Variants in WDHD1 observed in about 807,000 individuals in gnomAD.
The protein encoded by WDHD1 is WD repeat and HMG-box DNA-binding protein 1.
In WDHD1, 111 loss-of-function variants were observed where a neutral mutation model predicts 135.4. That is an observed-to-expected ratio of 0.82 (90% CI 0.70 to 0.96). The LOEUF is 0.96. Among genes scored for constraint, WDHD1 ranks in the 40% least tolerant of loss-of-function variants. The pLI, the probability that WDHD1 is intolerant of heterozygous loss-of-function variation, is 0.00. For missense variants in WDHD1, 1,351 were observed against 1,336.3 expected, an observed-to-expected ratio of 1.01 and a Z score of -0.17; for synonymous variants, 434 against 439.0, an observed-to-expected ratio of 0.99 and a Z score of 0.14.
intron 16 of WDHD1, among the ~76,000 whole-genome samples, chr14:54,971,712 C>CAA (rs1195129802): frequency 0.17 from 7,126 of 41,400 alleles, 859 homozygotes; most frequent in Non-Finnish European, 0.22. Flanking sequence ...GACTCTGCCT[C>CAA]AAAAAAAAAA....
At chr14:55,026,990 C>A in intron 1 of WDHD1, 38 bp downstream of exon 1, 1 of 576,892 alleles carries the variant, frequency 1.7e-6, no homozygotes, top group South Asian at 2.0e-5. Flanking sequence ...GAACACGCAT[C>A]TCCTTGGTGG....
intron 24 of WDHD1, 92 bp from the exon 25 acceptor site, chr14:54,944,562 G>T: frequency 8.4e-7 from 1 of 1,194,526 alleles, no homozygotes; most frequent in Non-Finnish European, 1.1e-6. Context: ...ATAAGTCTCT[G>T]ACATCTATTA....
rs923068373 is a variant in WDHD1, at chr14:55,025,337, T to C, written c.77+1374A>G. Among the ~76,000 whole-genome samples, 18 of 151,224 alleles carry C rather than the reference T, an allele frequency of 1.2e-4. 1 individual carries two copies. Among genetic ancestry groups the C allele is most frequent in the African/African-American group, 4.1e-4 (17 of 41,190 alleles). On this transcript the variant is annotated intron_variant, in intron 2 of 25. Coordinates refer to ENST00000360586, the MANE Select transcript of WDHD1 (RefSeq NM_007086.4). ...ACACCCACAAATGATGAATAAATACTAAGGGAACTCAGAGGCTGGCGGGAT... is the reference window on the plus strand; with the variant it reads ...ACACCCACAAATGATGAATAAATACCAAGGGAACTCAGAGGCTGGCGGGAT...
intron 4 of WDHD1, 34 bp from the exon 5 acceptor site, chr14:55,008,753 T>G: frequency 6.8e-7 from 1 of 1,465,116 alleles, no homozygotes; most frequent in Non-Finnish European, 9.4e-7. Flanking sequence ...AATGAATAAA[T>G]GCTAACACAA....
At position 54,955,133 on chromosome 14, in the gene WDHD1, A is replaced by G. The variant is rs543051402; in HGVS notation, c.3050+428T>C. On this transcript the variant is annotated intron_variant, in intron 24 of 25. Coordinates refer to ENST00000360586, the MANE Select transcript of WDHD1 (RefSeq NM_007086.4). ...TAATGTGTAAAACAAAAAATAGACA[A>G]ATATGTATTTGCACATAAATAGAAT... 2.6e-5 allele frequency among the ~76,000 whole-genome samples: 4 copies of G among 152,350 alleles called. No homozygotes were observed. In the East Asian group the frequency reaches 7.7e-4, roughly 29 times the overall value.
intron 24 of WDHD1, among the ~76,000 whole-genome samples, chr14:54,949,358 C>G (rs1282637229): frequency 6.6e-6 from 1 of 152,134 alleles, no homozygotes; most frequent in African/African-American, 2.4e-5. Flanking sequence ...GACGAATGCA[C>G]AAGCCTCAGT....
In WDHD1 at chr14:54,962,938, A is replaced by G. The variant is rs753736531; in HGVS notation, c.2531+14T>C. 1.9e-6 allele frequency: 3 copies of G among 1,613,242 alleles called. No homozygotes were observed. Among genetic ancestry groups the G allele is most frequent in the Admixed American group, 1.7e-5 (1 of 59,936 alleles). On this transcript the variant is annotated intron_variant, in intron 19 of 25. Transcript: ENST00000360586. The stretch of plus-strand genomic sequence containing the variant: ...ACAGTAAAGGAAAATTCAAACAACT[A>G]AATTATTTCTTACCCAGCATTCAGC...
chr14:54,948,273 G>A lies in WDHD1; in HGVS notation c.3051-3803C>T, dbSNP rs1037622947. Among the ~76,000 whole-genome samples, 21 of 152,222 alleles carry A rather than the reference G, an allele frequency of 1.4e-4. No individual in the cohort carries two copies. The East Asian group carries it at 1.9e-3, about 14-fold the overall frequency. ...CAAGGCATCACCTCACCCGGGAAGC[G>A]CAAGGGGTCAGAAAATTCCCTTTCC... On this transcript the variant is annotated intron_variant, in intron 24 of 25. Coordinates refer to ENST00000360586, the MANE Select transcript of WDHD1 (RefSeq NM_007086.4).
intron 16 of WDHD1, among the ~76,000 whole-genome samples, chr14:54,976,112 G>A (rs1053863114): frequency 3.3e-5 from 5 of 152,256 alleles, no homozygotes; most frequent in South Asian, 4.1e-4. Context: ...TCGAGAGCTC[G>A]AGCTCTGGAC....
chr14:54,961,912 C>A (rs143841239), intron 21 of WDHD1, among the ~76,000 whole-genome samples: 6,004 of 151,702 alleles, frequency 0.04, 403 homozygotes, highest in African/African-American at 0.14. Flanking sequence ...TCTCGGCTCA[C>A]TGCTACCTCC....
intron 15 of WDHD1, 84 bp from the exon 16 acceptor site, chr14:54,981,780 G>A (rs1206458658): frequency 5.1e-6 from 4 of 791,844 alleles, no homozygotes; most frequent in South Asian, 4.6e-5. Flanking sequence ...TACATACCAA[G>A]GATTCAACTT....
chr14:55,020,782 C>T (rs1002903196), intron 2 of WDHD1, among the ~76,000 whole-genome samples: 1 of 152,160 alleles, frequency 6.6e-6, no homozygotes, highest in African/African-American at 2.4e-5. Context: ...TAACAGCCTA[C>T]TGTTGAGTAG....
intron 11 of WDHD1, among the ~76,000 whole-genome samples, chr14:54,992,817 G>A (rs2041813439): frequency 6.6e-6 from 1 of 152,162 alleles, no homozygotes; most frequent in South Asian, 2.1e-4. Context: ...GGAAGGCTGA[G>A]TGGGAGAACT....
At chr14:54,942,846 T>C (rs942100053) in intron 25 of WDHD1, among the ~76,000 whole-genome samples, 2 of 152,242 alleles carry the variant, frequency 1.3e-5, no homozygotes, top group African/African-American at 4.8e-5. Context: ...TTAAAAATAC[T>C]GATTACATTT....
chr14:54,945,436 A>G (rs920490122), intron 24 of WDHD1, among the ~76,000 whole-genome samples: 1 of 152,342 alleles, frequency 6.6e-6, no homozygotes, highest in South Asian at 2.1e-4. Flanking sequence ...TCTCCATTCC[A>G]TAAGTGAGAA....
intron 24 of WDHD1, among the ~76,000 whole-genome samples, chr14:54,953,675 A>G: frequency 6.6e-6 from 1 of 152,208 alleles, no homozygotes; most frequent in East Asian, 1.9e-4. Context: ...ATGCACACGT[A>G]TGTTTATTGT....
chr14:54,996,934 G>T (rs2041890122), intron 10 of WDHD1, among the ~76,000 whole-genome samples: 1 of 151,744 alleles, frequency 6.6e-6, no homozygotes, highest in Non-Finnish European at 1.5e-5. Flanking sequence ...TGGGACTACA[G>T]GCGCATGCCA....
At chr14:54,949,011 C>G (rs1309066013) in intron 24 of WDHD1, among the ~76,000 whole-genome samples, 1 of 152,112 alleles carries the variant, frequency 6.6e-6, no homozygotes, top group Non-Finnish European at 1.5e-5. Context: ...ACGTCACCAT[C>G]ATCAAAGACC....
intron 7 of WDHD1, among the ~76,000 whole-genome samples, chr14:55,006,752 C>T (rs369184965): frequency 2.0e-5 from 3 of 152,216 alleles, no homozygotes; most frequent in Non-Finnish European, 2.9e-5. Context: ...AAAATTAATT[C>T]ATTCATGCAA....
Sources: allele counts gnomAD v4.1 joint callset (sites outside exome capture counted in the v4.1 genomes callset), GRCh38; gene constraint gnomAD v4.1.1; transcripts MANE v1.5; gene names NCBI Gene and HGNC (gene_info 2026-07-23, HGNC 2026-07-21).